The following HSPBAP1 variants were observed in gnomAD, a reference collection of about 807,000 sequenced individuals.
HSPBAP1 encodes the protein HSPB1 associated protein 1, also known as HSPB1-associated protein 1.
Under a neutral mutation model 45.2 loss-of-function variants are expected in HSPBAP1, and 27 were observed. The observed-to-expected ratio is 0.60, with a 90% CI of 0.44 to 0.82. HSPBAP1 has a LOEUF of 0.82. HSPBAP1 is among the 40% of genes least tolerant of loss of function. The probability of loss-of-function intolerance (pLI) is 0.00; values close to 1 mark genes in which losing one functional copy is unlikely to be tolerated. For missense variants in HSPBAP1, 510 were observed against 590.9 expected (o/e 0.86, Z 1.42); for synonymous variants, 204 against 202.7 (o/e 1.01, Z -0.06).
intron 1 of HSPBAP1, among the ~76,000 whole-genome samples, chr3:122,787,794 G>A (rs897621418): frequency 1.3e-5 from 2 of 152,166 alleles, no homozygotes; most frequent in Non-Finnish European, 2.9e-5. Context: ...TGATGGAATC[G>A]TGCAAGTACT....
Position 122,768,765 on chromosome 3 carries a change from A to T in HSPBAP1, c.368T>A (p.Phe123Tyr). 6.2e-7 allele frequency: 1 copy of T among 1,612,942 alleles called. No individual in the cohort carries two copies. Among genetic ancestry groups the T allele is most frequent in the African/African-American group, 1.3e-5 (1 of 74,984 alleles). The change falls in exon 3 of 8, where the codon TTC becomes TAC. Residue 123 changes from phenylalanine (F) to tyrosine (Y), a missense_variant. Physicochemically the swap from Phe to Tyr is conservative, Grantham distance 22. Coordinates refer to ENST00000306103, the MANE Select transcript of HSPBAP1 (RefSeq NM_024610.6). ...ATATTTATAGTCAGCATAAGCCCAG[A>T]ACTTGGAATGGTCATAATCTCTAAA... is the stretch of plus-strand genomic sequence containing the variant. ...GPFRDYDHSK[F>Y]WAYADYKYFV...
At chr3:122,768,181 C>T (rs1323218683) in intron 3 of HSPBAP1, among the ~76,000 whole-genome samples, 1 of 152,218 alleles carries the variant, frequency 6.6e-6, no homozygotes, top group East Asian at 1.9e-4. Flanking sequence ...CACTCCCACA[C>T]TTCTACAGGG....
intron 1 of HSPBAP1, among the ~76,000 whole-genome samples, chr3:122,780,701 GCTC>G (rs1272814079): frequency 1.3e-5 from 2 of 150,438 alleles, no homozygotes; most frequent in African/African-American, 4.9e-5. Context: ...GGGCGGAGAG[GCTC>G]CTCACTTCCC....
At chr3:122,786,039 C>T (rs1002606880) in intron 1 of HSPBAP1, among the ~76,000 whole-genome samples, 2 of 151,952 alleles carry the variant, frequency 1.3e-5, no homozygotes, top group Non-Finnish European at 2.9e-5. Context: ...TCCAGGAAAT[C>T]GCAAACCTTA....
Position 122,752,578 on chromosome 3 carries a change from A to G in HSPBAP1, c.825+13T>C, listed in dbSNP as rs764144103. The G allele has an allele frequency of 1.3e-6, 2 of 1,513,906 alleles. No homozygotes were observed. Among genetic ancestry groups the G allele is most frequent in the Admixed American group, 4.4e-5 (2 of 45,240 alleles). 93.8% of individuals were successfully genotyped at this position (1,513,906 alleles called of 1,614,324 possible). ...ACTTACTTAAAAAAAAAAAAAAAAC[A>G]ACGAAAAAGTACCAGTTCAATCCAT... On this transcript the variant is annotated intron_variant, in intron 6 of 7. Transcript: ENST00000306103.
intron 6 of HSPBAP1, among the ~76,000 whole-genome samples, chr3:122,742,021 TAC>T (rs1933688788): frequency 3.3e-5 from 5 of 151,824 alleles, no homozygotes; most frequent in Admixed American, 2.6e-4. Context: ...CTGAGATTTA[TAC>T]ACAGTCTAGA....
At chr3:122,752,827 C>A in intron 5 of HSPBAP1, 153 bp from the exon 6 acceptor site, 1 of 1,391,744 alleles carries the variant, frequency 7.2e-7, no homozygotes, top group Non-Finnish European at 9.3e-7. Context: ...AAAAAAACCC[C>A]GCAAACCTTT....
At chr3:122,748,146 T>TG (rs1933982861) in intron 6 of HSPBAP1, among the ~76,000 whole-genome samples, 1 of 152,176 alleles carries the variant, frequency 6.6e-6, no homozygotes, top group Non-Finnish European at 1.5e-5. Context: ...TTAAGGGTGG[T>TG]GCAAGATGTG....
intron 1 of HSPBAP1, among the ~76,000 whole-genome samples, chr3:122,788,207 G>A (rs1404105402): frequency 6.6e-6 from 1 of 152,006 alleles, no homozygotes; most frequent in African/African-American, 2.4e-5. Context: ...AGTTAACCCA[G>A]AAAACTTATC....
At position 122,755,430 on chromosome 3, in the gene HSPBAP1, T is replaced by G; in HGVS notation, c.571A>C (p.Lys191Gln). The G allele has an allele frequency of 7.1e-7, 1 of 1,417,910 alleles. No homozygotes were observed. Among genetic ancestry groups the G allele is most frequent in the Non-Finnish European group, 9.3e-7 (1 of 1,078,172 alleles). 87.8% of individuals were successfully genotyped at this position (1,417,910 alleles called of 1,614,324 possible). A position where few individuals can be genotyped will look rare whatever the true frequency, so the allele number is the denominator to read the frequency against. The change falls in exon 5 of 8, where the codon AAA (lysine) becomes CAA (glutamine). Residue 191 changes from lysine (K) to glutamine (Q), a missense_variant and splice_region_variant. Physicochemically the swap from Lys to Gln is moderately conservative, Grantham distance 53. Transcript: ENST00000306103. The stretch of plus-strand genomic sequence containing the variant: ...TCAGGAGGAAAGAGATGCCATCGTT[T>G]CCTAATTAAAAAAAAAAAAAAAAGA... Reference protein sequence around the residue: ...CNLVFQVQGRKRWHLFPPEDT... With the variant: ...CNLVFQVQGRQRWHLFPPEDT...
chr3:122,793,549 G>C (rs1344054137), intron 1 of HSPBAP1, 68 bp downstream of exon 1: 3 of 1,441,006 alleles, frequency 2.1e-6, no homozygotes, highest in Non-Finnish European at 2.9e-6. Flanking sequence ...ACGGCCCCAC[G>C]AGGGGTGCCA....
chr3:122,754,519 G>C (rs1934270450), intron 5 of HSPBAP1: 1 of 984,762 alleles, frequency 1.0e-6, no homozygotes, highest in African/African-American at 1.7e-5. Context: ...AGGCAACTCA[G>C]TCAAGTGAAA....
At chr3:122,753,422 T>G in intron 5 of HSPBAP1, 1 of 979,688 alleles carries the variant, frequency 1.0e-6, no homozygotes, top group African/African-American at 1.8e-5. Context: ...GCACTAGGAG[T>G]TGTTGAGAAA....
At chr3:122,756,342 G>A (rs958723772) in intron 4 of HSPBAP1, among the ~76,000 whole-genome samples, 1 of 152,080 alleles carries the variant, frequency 6.6e-6, no homozygotes, top group Admixed American at 6.5e-5. Flanking sequence ...TTTTGCTTTG[G>A]AAATTTGAAG....
intron 4 of HSPBAP1, chr3:122,758,802 C>G: frequency 6.6e-6 from 3 of 452,526 alleles, no homozygotes; most frequent in Non-Finnish European, 1.3e-5. Flanking sequence ...GAGGCTGCGG[C>G]AGGAGGATGG....
At chr3:122,750,844 C>G (rs1336907770) in intron 6 of HSPBAP1, among the ~76,000 whole-genome samples, 2 of 152,130 alleles carry the variant, frequency 1.3e-5, no homozygotes, top group African/African-American at 4.8e-5. Flanking sequence ...ACTAAAATGA[C>G]AGATAAGACC....
intron 6 of HSPBAP1, among the ~76,000 whole-genome samples, chr3:122,742,151 AAATAT>A (rs1196372598): frequency 7.0e-6 from 1 of 143,312 alleles, no homozygotes; most frequent in African/African-American, 2.6e-5. Context: ...AAATTATTAT[AAATAT>A]AATAAATTAT....
chr3:122,756,601 G>A (rs1159500866), intron 4 of HSPBAP1, among the ~76,000 whole-genome samples: 1 of 151,966 alleles, frequency 6.6e-6, no homozygotes, highest in Non-Finnish European at 1.5e-5. Context: ...AGGAGGCTGA[G>A]GTGGGAGGAT....
chr3:122,768,656 C>CA (rs952756129), intron 3 of HSPBAP1, 45 bp downstream of exon 3: 4 of 1,394,530 alleles, frequency 2.9e-6, no homozygotes, highest in Admixed American at 1.8e-5. Context: ...GTTCTTTTCT[C>CA]AAAAACAAAT....
Sources: gnomAD v4.1 joint callset for allele counts (sites outside exome capture counted in the v4.1 genomes callset) on GRCh38, gnomAD v4.1.1 for gene constraint, MANE v1.5 for transcripts, NCBI Gene and HGNC (gene_info 2026-07-23, HGNC 2026-07-21) for gene names.